NRXN1: variants seen among roughly 807,000 people sequenced by gnomAD.
NRXN1 encodes the protein neurexin-1.
A neutral mutation model predicts 150.9 loss-of-function variants in NRXN1; 39 were observed. The observed-to-expected ratio is 0.26, with a 90% confidence interval of 0.20 to 0.34. The LOEUF (loss-of-function observed/expected upper bound fraction) is 0.34, where lower values mean the gene tolerates loss of function less well. Ranked by LOEUF, NRXN1 falls within the 10% of genes least tolerant of loss-of-function variation. NRXN1 has a pLI of 1.00. For missense variants in NRXN1, 1,815 were observed against 1,949.9 expected (o/e 0.93, Z 1.30); for synonymous variants, 924 against 757.0 (o/e 1.22, Z -3.62).
chr2:50,794,411 G>A (rs1706497956), intron 5 of NRXN1, among the ~76,000 whole-genome samples: 1 of 152,068 alleles, frequency 6.6e-6, no homozygotes, highest in Non-Finnish European at 1.5e-5. Flanking sequence ...ATTCTGCAGT[G>A]TTTATAAGTC....
chr2:50,362,925 G>A (rs2079325211), intron 17 of NRXN1, among the ~76,000 whole-genome samples: 1 of 152,112 alleles, frequency 6.6e-6, no homozygotes, highest in African/African-American at 2.4e-5. Flanking sequence ...AGAGGCCTCA[G>A]AAATAACACC....
At chr2:50,248,210 T>C (rs1172403784) in intron 17 of NRXN1, among the ~76,000 whole-genome samples, 1 of 152,146 alleles carries the variant, frequency 6.6e-6, no homozygotes, top group Non-Finnish European at 1.5e-5. Context: ...AGATAAGGTC[T>C]CACTATGTTT....
chr2:50,125,490 G>C (rs1330680892), intron 18 of NRXN1, among the ~76,000 whole-genome samples: 1 of 152,124 alleles, frequency 6.6e-6, no homozygotes, highest in East Asian at 1.9e-4. Context: ...CAGCAACCTA[G>C]CTATTTCTTT....
intron 5 of NRXN1, among the ~76,000 whole-genome samples, chr2:50,728,873 C>A (rs768122892): frequency 6.6e-6 from 1 of 152,124 alleles, no homozygotes; most frequent in African/African-American, 2.4e-5. Context: ...AGTGTATTTA[C>A]CAAATTATCC....
chr2:50,723,564 C>T (rs1696943218), intron 5 of NRXN1, among the ~76,000 whole-genome samples: 1 of 152,218 alleles, frequency 6.6e-6, no homozygotes, highest in South Asian at 2.1e-4. Flanking sequence ...CTTTCAATGC[C>T]TCTGGGCCAG....
At chr2:50,617,266 CACT>C (rs1679211677) in intron 8 of NRXN1, among the ~76,000 whole-genome samples, 1 of 151,978 alleles carries the variant, frequency 6.6e-6, no homozygotes, top group African/African-American at 2.4e-5. Context: ...TGAAACCCGT[CACT>C]ACTATAAATA....
intron 21 of NRXN1, among the ~76,000 whole-genome samples, chr2:50,035,847 G>A (rs925331093): frequency 6.6e-6 from 1 of 152,024 alleles, no homozygotes; most frequent in African/African-American, 2.4e-5. Flanking sequence ...GTACCTTATG[G>A]TAAAGTGATC....
intron 5 of NRXN1, among the ~76,000 whole-genome samples, chr2:50,893,907 C>T (rs1020740513): frequency 1.3e-5 from 2 of 152,062 alleles, no homozygotes; most frequent in Admixed American, 1.3e-4. Context: ...CCAATTTCAT[C>T]CATGTCCCTA....
At chr2:50,415,102 A>G (rs1215284344) in intron 17 of NRXN1, among the ~76,000 whole-genome samples, 1 of 152,182 alleles carries the variant, frequency 6.6e-6, no homozygotes. Context: ...GGAATGGTAC[A>G]TAGGAAGGAC....
At chr2:50,279,294 G>GA (rs1419566961) in intron 17 of NRXN1, among the ~76,000 whole-genome samples, 1 of 152,062 alleles carries the variant, frequency 6.6e-6, no homozygotes, top group African/African-American at 2.4e-5. Flanking sequence ...TGTTAAAGAG[G>GA]AAAATAGATC....
intron 21 of NRXN1, among the ~76,000 whole-genome samples, chr2:50,044,243 T>C (rs1222199804): frequency 6.6e-6 from 1 of 152,212 alleles, no homozygotes; most frequent in Non-Finnish European, 1.5e-5. Flanking sequence ...ATATAATTTA[T>C]TCCATGTAAA....
chr2:50,881,912 A>G (rs1361916441), intron 5 of NRXN1, among the ~76,000 whole-genome samples: 3 of 151,784 alleles, frequency 2.0e-5, no homozygotes, highest in Admixed American at 1.3e-4. Flanking sequence ...TTAAAAAAAT[A>G]TAATACAAAC....
At chr2:50,875,837 C>A (rs1678507175) in intron 5 of NRXN1, among the ~76,000 whole-genome samples, 1 of 151,844 alleles carries the variant, frequency 6.6e-6, no homozygotes, top group Non-Finnish European at 1.5e-5. Flanking sequence ...CTGATCTCAT[C>A]TCAGGCTTAT....
intron 13 of NRXN1, among the ~76,000 whole-genome samples, chr2:50,503,237 G>C (rs1558843955): frequency 6.6e-6 from 1 of 151,834 alleles, no homozygotes; most frequent in African/African-American, 2.4e-5. Flanking sequence ...GAATGTAGGA[G>C]GCGGAGGCTG....
chr2:50,760,614 T>G (rs1701696506), intron 5 of NRXN1, among the ~76,000 whole-genome samples: 1 of 151,786 alleles, frequency 6.6e-6, no homozygotes, highest in Admixed American at 6.6e-5. Flanking sequence ...CCTTCTCTCA[T>G]TCCTATAACC....
rs563309480 is a variant in NRXN1 at position 50,492,709 on chromosome 2, A to G, written c.3070+3196T>C. On this transcript the variant is annotated intron_variant, in intron 15 of 22. Coordinates refer to ENST00000401669, the MANE Select transcript of NRXN1 (RefSeq NM_001330078.2). Reference sequence around the variant, plus strand: ...ATGGTAAAACATAAGGAGGATAAAAAAAATTCTCCTAATAATCCTAACCAG... The same window carrying G: ...ATGGTAAAACATAAGGAGGATAAAAGAAATTCTCCTAATAATCCTAACCAG... Among the ~76,000 whole-genome samples, 6 of 152,348 alleles carry G rather than the reference A, an allele frequency of 3.9e-5. No homozygotes were observed. In the East Asian group the frequency reaches 1.2e-3, roughly 29 times the overall value.
In NRXN1 at chr2:50,453,272, C is replaced by T. The variant is rs965375683; in HGVS notation, c.3364+12170G>A. 4.6e-5 allele frequency among the ~76,000 whole-genome samples: 7 copies of T among 152,044 alleles called. 1 individual carries two copies. The highest frequency in any genetic ancestry group is 4.1e-4 in the South Asian group (2 of 4,820). On this transcript the variant is annotated intron_variant, in intron 17 of 22. Coordinates refer to ENST00000401669, the MANE Select transcript of NRXN1 (RefSeq NM_001330078.2). ...TCAGAGCACTACCTCCCAGAGTTCC[C>T]GGTTCAGGAGGTCTGGGGTGAGATC...
At chr2:50,311,055 ATACACACAAAG>A (rs1365985047) in intron 17 of NRXN1, among the ~76,000 whole-genome samples, 1 of 152,198 alleles carries the variant, frequency 6.6e-6, no homozygotes, top group Non-Finnish European at 1.5e-5. Flanking sequence ...GTATGTACAT[ATACACACAAAG>A]TAGCCTTTTT....
chr2:50,414,864 G>A (rs1319624534), intron 17 of NRXN1, among the ~76,000 whole-genome samples: 1 of 152,040 alleles, frequency 6.6e-6, no homozygotes, highest in Non-Finnish European at 1.5e-5. Context: ...AAATTGAGAA[G>A]GGAGACTATG....
Sources: allele counts gnomAD v4.1 joint callset (sites outside exome capture counted in the v4.1 genomes callset), GRCh38; gene constraint gnomAD v4.1.1; transcripts MANE v1.5; gene names NCBI Gene and HGNC (gene_info 2026-07-23, HGNC 2026-07-21).